The following CPQ variants were observed in gnomAD, a reference collection of about 807,000 sequenced individuals.
CPQ encodes the protein Ser-Met dipeptidase.
In CPQ, 37 loss-of-function variants were observed where a neutral mutation model predicts 45.7. That is an observed-to-expected ratio of 0.81 (90% CI 0.62 to 1.07). The LOEUF is 1.07. Ranked by LOEUF, CPQ falls within the 50% of genes least tolerant of loss-of-function variation. The probability of loss-of-function intolerance (pLI) is 0.00; values close to 1 mark genes in which losing one functional copy is unlikely to be tolerated. For synonymous variants in CPQ, 186 were observed against 205.8 expected (o/e 0.90, Z 0.82); for missense variants, 537 against 572.9 (o/e 0.94, Z 0.64).
intron 3 of CPQ, among the ~76,000 whole-genome samples, chr8:96,851,966 T>G (rs1811777035): frequency 6.6e-6 from 1 of 152,248 alleles, no homozygotes; most frequent in Non-Finnish European, 1.5e-5. Flanking sequence ...CTCTGTTATC[T>G]TCCAACTCGA....
At chr8:97,031,838 T>C (rs1429001079) in intron 6 of CPQ, among the ~76,000 whole-genome samples, 1 of 152,192 alleles carries the variant, frequency 6.6e-6, no homozygotes. Flanking sequence ...AGGGAAAACA[T>C]TGGCATTTTG....
At chr8:96,841,393 A>G (rs1034958343) in intron 3 of CPQ, among the ~76,000 whole-genome samples, 3 of 152,242 alleles carry the variant, frequency 2.0e-5, no homozygotes, top group African/African-American at 4.8e-5. Flanking sequence ...TCAAGAATGC[A>G]AAGTAATTTT....
At position 96,653,794 on chromosome 8, in the gene CPQ, A is replaced by C. The variant is rs113019489; in HGVS notation, c.-35+8392A>C. Among the ~76,000 whole-genome samples, 349 of 152,232 alleles carry C rather than the reference A, an allele frequency of 2.3e-3. 2 individuals are homozygous for C. Among genetic ancestry groups the C allele is most frequent in the African/African-American group, 7.9e-3 (328 of 41,544 alleles). On this transcript the variant is annotated intron_variant, in intron 1 of 7. Transcript: ENST00000220763. ...GAGTAGGCGGAGGAGGAGGAGGAAG[A>C]GAAGGGATTGGTCTTGCTGTCTTAG...
chr8:96,781,850 T>A (rs577758465), intron 1 of CPQ, among the ~76,000 whole-genome samples: 1 of 152,246 alleles, frequency 6.6e-6, no homozygotes, highest in African/African-American at 2.4e-5. Flanking sequence ...CCAAAATGGA[T>A]AAATAGGCAA....
intron 4 of CPQ, among the ~76,000 whole-genome samples, chr8:96,910,972 C>A: frequency 6.6e-6 from 1 of 151,368 alleles, no homozygotes; most frequent in Admixed American, 6.6e-5. Context: ...ACTGTTACAC[C>A]AGTACATGTA....
At chr8:96,929,822 C>T (rs1812947293) in intron 4 of CPQ, among the ~76,000 whole-genome samples, 1 of 152,156 alleles carries the variant, frequency 6.6e-6, no homozygotes, top group Non-Finnish European at 1.5e-5. Flanking sequence ...ATAGAGAATT[C>T]AGTAGCTCTG....
intron 1 of CPQ, among the ~76,000 whole-genome samples, chr8:96,719,425 C>T (rs75273516): frequency 1.3e-5 from 2 of 152,222 alleles, no homozygotes; most frequent in Non-Finnish European, 2.9e-5. Context: ...CCAGCTGTTC[C>T]GCAAGCACCG....
chr8:96,798,347 G>T lies in CPQ; in HGVS notation c.433+13017G>T, dbSNP rs559239669. On this transcript the variant is annotated intron_variant, in intron 2 of 7. Transcript: ENST00000220763. The stretch of plus-strand genomic sequence containing the variant: ...GAGGTCTTACTATGTTGCCCAGGCT[G>T]GTCTTGAACTCGAACTCCCAGCTCA... Among the ~76,000 whole-genome samples, 188 of 152,102 alleles carry T rather than the reference G, an allele frequency of 1.2e-3. 1 individual carries two copies. The highest frequency in any genetic ancestry group is 4.3e-3 in the African/African-American group (179 of 41,502).
At chr8:96,821,620 A>T (rs528207561) in intron 2 of CPQ, among the ~76,000 whole-genome samples, 1 of 152,054 alleles carries the variant, frequency 6.6e-6, no homozygotes, top group Non-Finnish European at 1.5e-5. Context: ...GTTTATTTTG[A>T]TGCAAAAAAG....
intron 1 of CPQ, among the ~76,000 whole-genome samples, chr8:96,755,253 T>G (rs1810314829): frequency 6.6e-6 from 1 of 152,024 alleles, no homozygotes; most frequent in South Asian, 2.1e-4. Flanking sequence ...TTCTCCTGCC[T>G]TAGTCTTCTT....
At chr8:96,714,351 C>A (rs1298453082) in intron 1 of CPQ, among the ~76,000 whole-genome samples, 1 of 151,970 alleles carries the variant, frequency 6.6e-6, no homozygotes, top group Non-Finnish European at 1.5e-5. Flanking sequence ...TTTTTTATTT[C>A]TATTTTTGTC....
chr8:96,713,424 T>A (rs1023054474), intron 1 of CPQ, among the ~76,000 whole-genome samples: 7 of 152,102 alleles, frequency 4.6e-5, no homozygotes, highest in African/African-American at 1.7e-4. Context: ...ACTGGGTAAT[T>A]TATAAAGGAA....
chr8:96,923,848 G>A (rs1812840102), intron 4 of CPQ, among the ~76,000 whole-genome samples: 1 of 152,230 alleles, frequency 6.6e-6, no homozygotes. Context: ...ATTAAGATGT[G>A]AGAAACTGCT....
chr8:97,142,362 A>C (rs1201132738), intron 7 of CPQ, among the ~76,000 whole-genome samples: 1 of 152,182 alleles, frequency 6.6e-6, no homozygotes, highest in East Asian at 1.9e-4. Flanking sequence ...TCACACTTGA[A>C]TGAGAAGAAA....
At chr8:97,094,943 G>A (rs1811186143) in intron 7 of CPQ, among the ~76,000 whole-genome samples, 1 of 152,094 alleles carries the variant, frequency 6.6e-6, no homozygotes, top group Non-Finnish European at 1.5e-5. Context: ...TTGAACTGGT[G>A]CATTCTAGTC....
At chr8:96,925,419 C>A (rs886574786) in intron 4 of CPQ, among the ~76,000 whole-genome samples, 2 of 151,296 alleles carry the variant, frequency 1.3e-5, no homozygotes, top group Non-Finnish European at 3.0e-5. Flanking sequence ...AGTCTCACTC[C>A]ATCCCCCAGG....
intron 1 of CPQ, among the ~76,000 whole-genome samples, chr8:96,774,546 A>C (rs1326837521): frequency 6.6e-6 from 1 of 152,084 alleles, no homozygotes; most frequent in African/African-American, 2.4e-5. Context: ...AGTGAAGAGG[A>C]GGGAAGTTAG....
intron 2 of CPQ, among the ~76,000 whole-genome samples, chr8:96,794,100 G>A (rs1000012505): frequency 6.6e-6 from 1 of 152,154 alleles, no homozygotes; most frequent in Non-Finnish European, 1.5e-5. Flanking sequence ...TCCACTACGT[G>A]GTGCCACAGT....
chr8:97,082,442 A>G (rs1810966193), intron 7 of CPQ, among the ~76,000 whole-genome samples: 1 of 152,166 alleles, frequency 6.6e-6, no homozygotes. Context: ...TGTGCAGGTA[A>G]ATACAATAAC....
Sources: gnomAD v4.1 joint callset for allele counts (sites outside exome capture counted in the v4.1 genomes callset) on GRCh38, gnomAD v4.1.1 for gene constraint, MANE v1.5 for transcripts, NCBI Gene and HGNC (gene_info 2026-07-23, HGNC 2026-07-21) for gene names.